TOP1MT: variants seen among roughly 807,000 people sequenced by gnomAD.
TOP1MT encodes the protein DNA topoisomerase I mitochondrial.
Under a neutral mutation model 73.9 loss-of-function variants are expected in TOP1MT, and 80 were observed. The ratio of observed to expected loss-of-function variants is 1.08; its 90% CI spans 0.90 to 1.30. TOP1MT has a LOEUF of 1.30. Ranked by LOEUF, TOP1MT falls within the 50% of genes most tolerant of loss-of-function variation. The pLI, the probability that TOP1MT is intolerant of heterozygous loss-of-function variation, is 0.00. For synonymous variants in TOP1MT, 338 were observed against 326.4 expected (o/e 1.04, Z -0.38); for missense variants, 815 against 808.0 (o/e 1.01, Z -0.10).
At chr8:143,311,117 ATTT>A (rs769172231) in intron 12 of TOP1MT, among the ~76,000 whole-genome samples, 11,690 of 106,880 alleles carry the variant, frequency 0.11, 276 homozygotes, top group African/African-American at 0.14. Context: ...CACGCACATG[ATTT>A]TTTTTTTTTT....
At chr8:143,359,237 C>A (rs1188745447), upstream of TOP1MT, 8 of 984,076 alleles carry the variant, frequency 8.1e-6, no homozygotes, top group African/African-American at 1.8e-5. Context: ...ATGCGCCAGA[C>A]CAAAAGAAAA....
chr8:143,351,588 A>T (rs1233733941), intron 1 of TOP1MT, among the ~76,000 whole-genome samples: 1 of 151,922 alleles, frequency 6.6e-6, no homozygotes, highest in Non-Finnish European at 1.5e-5. Flanking sequence ...TCAAAAAAAA[A>T]AAAAGAAAAA....
upstream of TOP1MT, among the ~76,000 whole-genome samples, chr8:143,347,416 G>A (rs899642255): frequency 5.9e-5 from 9 of 151,940 alleles, no homozygotes; most frequent in African/African-American, 1.5e-4. Context: ...TGGCCTCCCA[G>A]AGTGCTGGGA....
upstream of TOP1MT, among the ~76,000 whole-genome samples, chr8:143,335,068 T>C (rs1053473048): frequency 1.3e-5 from 2 of 152,246 alleles, no homozygotes; most frequent in Non-Finnish European, 2.9e-5. Context: ...CCTGCCTTCG[T>C]GGTCCAGCGC....
upstream of TOP1MT, chr8:143,359,259 C>T: frequency 2.0e-6 from 2 of 985,008 alleles, no homozygotes; most frequent in Non-Finnish European, 2.4e-6. Context: ...AAAACAGCTG[C>T]AAACCTGAGG....
At chr8:143,315,239 T>C (rs4563897) in intron 12 of TOP1MT, among the ~76,000 whole-genome samples, 76,454 of 151,770 alleles carry the variant, frequency 0.5, 20,626 homozygotes, top group East Asian at 0.76. Context: ...TCAGTGGTCA[T>C]GCTCCTAGTC....
intron 3 of TOP1MT, among the ~76,000 whole-genome samples, chr8:143,326,574 C>G (rs1247140184): frequency 1.3e-5 from 2 of 152,184 alleles, no homozygotes; most frequent in Non-Finnish European, 2.9e-5. Context: ...GGTGGGGCAG[C>G]GGAGGGCACA....
chr8:143,314,612 A>G (rs1259116338), intron 12 of TOP1MT, among the ~76,000 whole-genome samples: 7 of 150,024 alleles, frequency 4.7e-5, no homozygotes, highest in Middle Eastern at 6.8e-3. Context: ...AAAAAATCAC[A>G]AAATAACAAT....
chr8:143,348,798 T>C (rs546665220), upstream of TOP1MT, among the ~76,000 whole-genome samples: 225 of 152,266 alleles, frequency 1.5e-3, no homozygotes, highest in African/African-American at 5.3e-3. The surrounding 1 kb of genome is among the most constrained non-coding windows in gnomAD (Gnocchi z 4.6). Context: ...AAACGGCCCT[T>C]GGTCCCACAG....
In TOP1MT at chr8:143,329,393, G is replaced by A. The variant is rs1816790986; in HGVS notation, c.317C>T (p.Thr106Ile). 1 of 1,609,614 alleles carries A rather than the reference G, an allele frequency of 6.2e-7. No homozygotes were observed. The highest frequency in any genetic ancestry group is 1.3e-5 in the African/African-American group (1 of 74,540). ...YGRMLDHEYTTKEVFRKNFFN... is the reference protein window; with the variant it reads ...YGRMLDHEYTIKEVFRKNFFN... ...GAAGTTCTTCCGGAAAACCTCCTTT[G>A]TTGTGTATTCATGATCTAACATCCT... The change falls in exon 3 of 14, where the codon ACA becomes ATA. Residue 106 changes from threonine to isoleucine, a missense_variant. Thr to Ile is a moderately conservative substitution (Grantham distance 89, BLOSUM62 -1). This residue lies in a region of TOP1MT where 751 missense variants were observed against 725.4 expected (regional missense o/e 1.04). Coordinates refer to ENST00000329245, the MANE Select transcript of TOP1MT (RefSeq NM_052963.3).
At chr8:143,347,755 G>A (rs574979606), upstream of TOP1MT, among the ~76,000 whole-genome samples, 38 of 152,138 alleles carry the variant, frequency 2.5e-4, no homozygotes, top group African/African-American at 8.9e-4. Context: ...AAACAATCCA[G>A]GAACTTTATA....
At chr8:143,348,276 A>G (rs1327312652), upstream of TOP1MT, among the ~76,000 whole-genome samples, 1 of 152,232 alleles carries the variant, frequency 6.6e-6, no homozygotes, top group Non-Finnish European at 1.5e-5. This position sits in a 1 kb window ranked among gnomAD's most constrained non-coding sequence, Gnocchi z 4.6. Flanking sequence ...GAAAATGTCC[A>G]CACAGAGGAC....
chr8:143,312,346 C>T (rs980660760), intron 12 of TOP1MT, among the ~76,000 whole-genome samples: 2 of 152,102 alleles, frequency 1.3e-5, no homozygotes, highest in East Asian at 1.9e-4. Flanking sequence ...CTGAATCCAG[C>T]AATAGACAAA....
upstream of TOP1MT, among the ~76,000 whole-genome samples, chr8:143,358,303 T>G (rs547935997): frequency 1.3e-5 from 2 of 152,256 alleles, no homozygotes; most frequent in Admixed American, 1.3e-4. Context: ...GCAACACCAG[T>G]GCCAAAATGA....
At chr8:143,322,927 G>A (rs1359137513) in intron 7 of TOP1MT, among the ~76,000 whole-genome samples, 3 of 75,006 alleles carry the variant, frequency 4.0e-5, no homozygotes, top group African/African-American at 1.2e-4. Flanking sequence ...ACACACGCAC[G>A]CCACACACAG....
chr8:143,310,965 T>C (rs543258301), intron 12 of TOP1MT, among the ~76,000 whole-genome samples: 4 of 151,096 alleles, frequency 2.6e-5, no homozygotes, highest in Admixed American at 2.6e-4. Flanking sequence ...TTGGCTTTTT[T>C]TTTTTTTTTT....
rs534679714 is a variant in TOP1MT at position 143,342,098 on chromosome 8, G to A, written c.29+1122C>T. On this transcript the variant is annotated intron_variant, in intron 2 of 5. Transcript: ENST00000518007. ...CTGTTATTATTATTATTAGAGTCTC[G>A]CTCTGTTATTATTATTAGAGACACA... 6.6e-4 allele frequency among the ~76,000 whole-genome samples: 66 copies of A among 99,900 alleles called. 1 individual carries two copies. The highest frequency in any genetic ancestry group is 5.6e-3 in the Middle Eastern group (1 of 180). The allele number at this position is 99,900 out of a possible 152,430, so 65.5% of individuals were successfully genotyped here.
intron 10 of TOP1MT, 142 bp downstream of exon 10, chr8:143,317,581 G>T: frequency 1.4e-6 from 1 of 723,270 alleles, no homozygotes; most frequent in Non-Finnish European, 2.2e-6. Flanking sequence ...AGGCTGCCAA[G>T]CAGCCAGCCC....
chr8:143,318,054 G>A lies in TOP1MT; in HGVS notation c.1179C>T (p.Asn393=). ...VYKNLQLFME[N]KDPRDDLFDR... is the part of the protein sequence containing the mutation. ...CGAAGAGGTCGTCCCGGGGGTCCTT[G>A]TTCTCCATAAAGAGCTGTAAGTTCT... The change falls in exon 9 of 14, where the codon AAC becomes AAT. Residue 393 remains asparagine (N), a synonymous_variant. Coordinates refer to ENST00000329245, the MANE Select transcript of TOP1MT (RefSeq NM_052963.3). 1 of 1,614,150 alleles carries A rather than the reference G, an allele frequency of 6.2e-7. No homozygotes were observed. The highest frequency in any genetic ancestry group is 8.5e-7 in the Non-Finnish European group (1 of 1,180,018).
Sources: gnomAD v4.1 joint callset for allele counts (sites outside exome capture counted in the v4.1 genomes callset) on GRCh38, gnomAD v4.1.1 for gene constraint, gnomAD v4.1.1 regional missense constraint, Gnocchi (gnomAD v3.1) non-coding constraint, MANE v1.5 for transcripts, NCBI Gene and HGNC (gene_info 2026-07-23, HGNC 2026-07-21) for gene names.